Variants in ASTN2 observed in about 807,000 individuals in gnomAD.
The protein encoded by ASTN2 is astrotactin 2.
A neutral mutation model predicts 139.8 loss-of-function variants in ASTN2; 54 were observed. That is an observed-to-expected ratio of 0.39 (90% CI 0.31 to 0.48). The LOEUF is 0.48. Ranked by LOEUF, ASTN2 falls within the 20% of genes least tolerant of loss-of-function variation. The probability of loss-of-function intolerance (pLI) is 0.95; values close to 1 mark genes in which losing one functional copy is unlikely to be tolerated. For synonymous variants in ASTN2, 756 were observed against 719.5 expected (o/e 1.05, Z -0.81); for missense variants, 1,565 against 1,725.1 (o/e 0.91, Z 1.64).
chr9:116,793,359 A>G (rs1830606406), intron 13 of ASTN2, among the ~76,000 whole-genome samples: 1 of 152,188 alleles, frequency 6.6e-6, no homozygotes, highest in African/African-American at 2.4e-5. Flanking sequence ...GGAACGGGGG[A>G]CACAGCAATG....
chr9:116,900,872 C>G (rs905638722), intron 10 of ASTN2, among the ~76,000 whole-genome samples: 1 of 152,162 alleles, frequency 6.6e-6, no homozygotes, highest in Non-Finnish European at 1.5e-5. Context: ...TGCTTCTCTA[C>G]GGGCTTTATT....
At chr9:117,138,821 A>G (rs2132852958) in intron 4 of ASTN2, among the ~76,000 whole-genome samples, 1 of 152,292 alleles carries the variant, frequency 6.6e-6, no homozygotes, top group African/African-American at 2.4e-5. Context: ...TGACTATGAA[A>G]TTCTTCTCTA....
chr9:116,789,920 CTTTTTTTT>C (rs57433960), intron 13 of ASTN2, among the ~76,000 whole-genome samples: 1 of 93,338 alleles, frequency 1.1e-5, no homozygotes, highest in African/African-American at 4.2e-5. Context: ...TTCTCTTTCT[CTTTTTTTT>C]TTTTTTTTTT....
intron 11 of ASTN2, among the ~76,000 whole-genome samples, chr9:116,828,323 G>T (rs367840354): frequency 6.9e-6 from 1 of 145,910 alleles, no homozygotes; most frequent in Non-Finnish European, 1.5e-5. Context: ...AAAAATACTA[G>T]CAAGTCGAAT....
Position 117,368,998 on chromosome 9 carries a change from A to G in ASTN2, c.442+45499T>C, listed in dbSNP as rs548301530. 6.6e-5 allele frequency among the ~76,000 whole-genome samples: 10 copies of G among 152,296 alleles called. No individual in the cohort carries two copies. In the East Asian group the frequency reaches 1.9e-3, roughly 29 times the overall value. On this transcript the variant is annotated intron_variant, in intron 1 of 22. Transcript: ENST00000313400. ...AATCATCATTTACTTAAGGGAAACTAAAGTGTTGCTAATGAAGATAGAAAA... is the reference window on the plus strand; with the variant it reads ...AATCATCATTTACTTAAGGGAAACTGAAGTGTTGCTAATGAAGATAGAAAA...
chr9:116,446,613 T>C (rs907980260), intron 20 of ASTN2, among the ~76,000 whole-genome samples: 1 of 152,170 alleles, frequency 6.6e-6, no homozygotes, highest in South Asian at 2.1e-4. Context: ...AGTCTACTTA[T>C]GGGATGCTTT....
Position 116,442,527 on chromosome 9 carries a change from C to T in ASTN2, c.3524G>A (p.Arg1175Gln), listed in dbSNP as rs542702850. 41 of 1,614,096 alleles carry T rather than the reference C, an allele frequency of 2.5e-5. No homozygotes were observed. Among genetic ancestry groups the T allele is most frequent in the African/African-American group, 5.3e-5 (4 of 75,008 alleles). Residue 1175 changes from arginine to glutamine, a missense_variant, in exon 21 of 23, where the codon CGA (arginine) becomes CAA (glutamine). This residue lies in a region of ASTN2 where 418 missense variants were observed against 465.8 expected (regional missense o/e 0.90). Transcript: ENST00000313400. ...YKFTLYAVDT[R>Q]GRHSELSTVT... Reference sequence around the variant, plus strand: ...CGTGCTTAGCTCTGAGTGCCTCCCTCGTGTATCCACAGCATACAGAGTGAA... The same window carrying T: ...CGTGCTTAGCTCTGAGTGCCTCCCTTGTGTATCCACAGCATACAGAGTGAA...
Position 116,586,833 on chromosome 9 carries a change from C to CACACACACACACACACAT in ASTN2, c.3355+31490_3355+31491insATGTGTGTGTGTGTGTGT, listed in dbSNP as rs1554717113. Among the ~76,000 whole-genome samples the CACACACACACACACACAT allele has an allele frequency of 5.2e-3, 617 of 118,104 alleles. 7 individuals are homozygous for CACACACACACACACACAT. Among genetic ancestry groups the CACACACACACACACACAT allele is most frequent in the East Asian group, 0.016 (72 of 4,506 alleles). The allele number at this position is 118,104 out of a possible 152,430, so 77.5% of individuals were successfully genotyped here. ...AAATTCACACACACACACATACATA[C>CACACACACACACACACAT]ACACACACACACACACACACACACA... On this transcript the variant is annotated intron_variant, in intron 19 of 22. Transcript: ENST00000313400.
intron 16 of ASTN2, among the ~76,000 whole-genome samples, chr9:116,723,335 A>G (rs1369576358): frequency 3.3e-5 from 5 of 152,198 alleles, no homozygotes; most frequent in African/African-American, 1.2e-4. Flanking sequence ...CCCAAAAGCC[A>G]TGCAAGAGAA....
At chr9:116,985,513 C>T (rs1836651716) in intron 7 of ASTN2, among the ~76,000 whole-genome samples, 1 of 152,208 alleles carries the variant, frequency 6.6e-6, no homozygotes, top group South Asian at 2.1e-4. Flanking sequence ...GGTTCTCAGC[C>T]AGGGTAACCC....
chr9:117,190,757 C>T (rs1350473662), intron 3 of ASTN2, among the ~76,000 whole-genome samples: 1 of 152,104 alleles, frequency 6.6e-6, no homozygotes, highest in African/African-American at 2.4e-5. Flanking sequence ...CATGTGTTAT[C>T]TGATCATTAA....
intron 2 of ASTN2, among the ~76,000 whole-genome samples, chr9:117,224,430 C>A (rs1832633718): frequency 2.0e-5 from 3 of 152,018 alleles, no homozygotes. Context: ...GGTGAAACCA[C>A]TACTTCCCCT....
intron 19 of ASTN2, among the ~76,000 whole-genome samples, chr9:116,527,101 GT>G (rs1406061121): frequency 6.6e-6 from 1 of 152,110 alleles, no homozygotes; most frequent in Non-Finnish European, 1.5e-5. Flanking sequence ...GAAGAAAACA[GT>G]GGAAAAGTTC....
chr9:117,051,437 C>A (rs1336759191), intron 5 of ASTN2, among the ~76,000 whole-genome samples: 1 of 152,124 alleles, frequency 6.6e-6, no homozygotes, highest in Non-Finnish European at 1.5e-5. Context: ...ATCTAGATAT[C>A]AGAGCTCCTA....
rs142350561 is a variant in ASTN2 at position 117,043,736 on chromosome 9, C to T, written c.1277-3771G>A. On this transcript the variant is annotated intron_variant, in intron 5 of 22. Coordinates refer to ENST00000313400, the MANE Select transcript of ASTN2 (RefSeq NM_001365068.1). ...CAGCCTGGCCAACACGGCAAAACCC[C>T]GTCTCTACTAAAAATACAAAAATGA... Among the ~76,000 whole-genome samples, 928 of 151,972 alleles carry T rather than the reference C, an allele frequency of 6.1e-3. 10 individuals carry two copies. The highest frequency in any genetic ancestry group is 0.02 in the African/African-American group (850 of 41,476).
intron 20 of ASTN2, among the ~76,000 whole-genome samples, chr9:116,468,099 T>C (rs1338249162): frequency 1.3e-5 from 2 of 152,202 alleles, no homozygotes; most frequent in Non-Finnish European, 2.9e-5. Flanking sequence ...AATGACACTA[T>C]CATTATCAAT....
intron 1 of ASTN2, among the ~76,000 whole-genome samples, chr9:117,400,689 G>A (rs1830805072): frequency 6.6e-6 from 1 of 152,160 alleles, no homozygotes; most frequent in Non-Finnish European, 1.5e-5. Context: ...GGATAGAGAA[G>A]GAAAGGAGAA....
chr9:117,391,788 T>C (rs1383350254), intron 1 of ASTN2, among the ~76,000 whole-genome samples: 1 of 152,118 alleles, frequency 6.6e-6, no homozygotes. Context: ...CCTTCCACCT[T>C]TGAGCCTGTA....
chr9:117,235,687 ACTTGT>A lies in ASTN2; in HGVS notation c.631-20950_631-20946del, dbSNP rs1432952262. Among the ~76,000 whole-genome samples the A allele has an allele frequency of 4.6e-5, 7 of 152,294 alleles. No individual in the cohort carries two copies. The East Asian group carries it at 1.4e-3, about 29-fold the overall frequency. On this transcript the variant is annotated intron_variant, in intron 2 of 22. Coordinates refer to ENST00000313400, the MANE Select transcript of ASTN2 (RefSeq NM_001365068.1). Reference sequence around the variant, plus strand: ...TGGGTCTAGGATGAGGCAAGTGGGTACTTGTCTTGTATGCAAAATTTAAAGGGGTT... The same window carrying A: ...TGGGTCTAGGATGAGGCAAGTGGGTACTTGTATGCAAAATTTAAAGGGGTT...
Sources: allele counts gnomAD v4.1 joint callset (sites outside exome capture counted in the v4.1 genomes callset), GRCh38; gene constraint gnomAD v4.1.1; regional missense constraint gnomAD v4.1.1; transcripts MANE v1.5; gene names NCBI Gene and HGNC (gene_info 2026-07-23, HGNC 2026-07-21).